Variants in MECOM observed in about 807,000 individuals in gnomAD.
MECOM encodes the protein MDS1 and EVI1 complex locus.
Under a neutral mutation model 116.3 loss-of-function variants are expected in MECOM, and 13 were observed. The ratio of observed to expected loss-of-function variants is 0.11; its 90% confidence interval spans 0.07 to 0.18. The LOEUF (loss-of-function observed/expected upper bound fraction) is 0.18. MECOM is among the 10% of genes least tolerant of loss of function. The probability of loss-of-function intolerance (pLI) is 1.00; values close to 1 mark genes in which losing one functional copy is unlikely to be tolerated. For synonymous variants in MECOM, 528 were observed against 535.2 expected, an observed-to-expected ratio of 0.99 and a Z score of 0.19; for missense variants, 1,299 against 1,509.0, an observed-to-expected ratio of 0.86 and a Z score of 2.31.
At chr3:169,527,142 G>T (rs6444858) in intron 1 of MECOM, among the ~76,000 whole-genome samples, 78,365 of 152,056 alleles carry the variant, frequency 0.52, 21,636 homozygotes, top group African/African-American at 0.73. Context: ...TGGATATTTC[G>T]AACCAACCTA....
chr3:169,291,528 T>C lies in MECOM; in HGVS notation c.375+89659A>G, dbSNP rs540213751. On this transcript the variant is annotated intron_variant, in intron 2 of 16. Coordinates refer to ENST00000651503, the MANE Select transcript of MECOM (RefSeq NM_004991.4). ...TCTGTCAGTGTGGGAGATCAGTTTA[T>C]ATTTAGGAGAAGTGGGCAAATGTCT... 1.1e-3 allele frequency among the ~76,000 whole-genome samples: 165 copies of C among 152,312 alleles called. 1 individual carries two copies. Among genetic ancestry groups the C allele is most frequent in the Non-Finnish European group, 1.5e-3 (99 of 68,024 alleles).
At chr3:169,110,973 A>G (rs9845030) in intron 9 of MECOM, among the ~76,000 whole-genome samples, 6,271 of 152,238 alleles carry the variant, frequency 0.041, 431 homozygotes, top group African/African-American at 0.14. Flanking sequence ...GTTAAAATAT[A>G]ACATATTTGC....
At chr3:169,573,915 A>T (rs1764207906) in intron 1 of MECOM, among the ~76,000 whole-genome samples, 1 of 152,174 alleles carries the variant, frequency 6.6e-6, no homozygotes, top group Non-Finnish European at 1.5e-5. Context: ...ACTCAAGAAA[A>T]ACTTTTTTGA....
intron 2 of MECOM, among the ~76,000 whole-genome samples, chr3:169,169,233 A>T (rs1485972824): frequency 6.6e-6 from 1 of 151,906 alleles, no homozygotes; most frequent in Non-Finnish European, 1.5e-5. Context: ...TTTTTAGCAG[A>T]AACACAATAC....
chr3:169,296,165 C>A (rs989026475), intron 2 of MECOM, among the ~76,000 whole-genome samples: 3 of 152,310 alleles, frequency 2.0e-5, no homozygotes, highest in African/African-American at 7.2e-5. Context: ...CCCCAGCAGT[C>A]TGTAGTGGCC....
chr3:169,512,841 A>G (rs1452790021), intron 1 of MECOM, among the ~76,000 whole-genome samples: 3 of 150,464 alleles, frequency 2.0e-5, no homozygotes, highest in Admixed American at 6.6e-5. Context: ...CATCCTCAAC[A>G]CTTTCATCAC....
chr3:169,378,393 G>T (rs901351116), intron 2 of MECOM, among the ~76,000 whole-genome samples: 2 of 36,068 alleles, frequency 5.5e-5, no homozygotes, highest in Non-Finnish European at 8.9e-5. Context: ...AGACAAGAAA[G>T]AAAGAAAGAA....
intron 1 of MECOM, among the ~76,000 whole-genome samples, chr3:169,525,364 T>A (rs1046637135): frequency 2.6e-5 from 4 of 152,230 alleles, no homozygotes; most frequent in Non-Finnish European, 5.9e-5. Context: ...ATATACTTTA[T>A]TGATTTTAAA....
At chr3:169,239,406 A>G (rs1049270859) in intron 2 of MECOM, among the ~76,000 whole-genome samples, 1 of 152,048 alleles carries the variant, frequency 6.6e-6, no homozygotes, top group Non-Finnish European at 1.5e-5. Context: ...TTTTGTAGAT[A>G]CCACTGATAT....
At chr3:169,124,577 G>A (rs1732190609) in intron 5 of MECOM, among the ~76,000 whole-genome samples, 1 of 152,008 alleles carries the variant, frequency 6.6e-6, no homozygotes, top group African/African-American at 2.4e-5. Context: ...TATTTTTAAT[G>A]TGGTATTGAA....
chr3:169,145,057 G>T, intron 2 of MECOM: 1 of 1,530,476 alleles, frequency 6.5e-7, no homozygotes, highest in Non-Finnish European at 8.8e-7. Context: ...CTATGAATAA[G>T]CCTTTGGCCA....
chr3:169,191,309 C>A (rs1747507549), intron 2 of MECOM, among the ~76,000 whole-genome samples: 1 of 151,898 alleles, frequency 6.6e-6, no homozygotes, highest in African/African-American at 2.4e-5. Flanking sequence ...GAAATATAAA[C>A]AAGCACATTC....
At chr3:169,584,613 G>T (rs1027748255) in intron 1 of MECOM, among the ~76,000 whole-genome samples, 3 of 151,078 alleles carry the variant, frequency 2.0e-5, no homozygotes, top group Admixed American at 2.0e-4. Flanking sequence ...ATGAGTTAGA[G>T]AAAGTCTGGG....
intron 2 of MECOM, among the ~76,000 whole-genome samples, chr3:169,300,043 G>A (rs1007583856): frequency 1.3e-5 from 2 of 152,116 alleles, no homozygotes; most frequent in Non-Finnish European, 2.9e-5. Flanking sequence ...GGGACTCATT[G>A]TTTGTGCTGT....
intron 2 of MECOM, among the ~76,000 whole-genome samples, chr3:169,279,467 C>T (rs1711509748): frequency 1.3e-5 from 2 of 151,810 alleles, no homozygotes; most frequent in Admixed American, 6.6e-5. Flanking sequence ...GGAGGGAAAG[C>T]GGGTAAGTAG....
At chr3:169,230,372 T>G (rs556920933) in intron 2 of MECOM, among the ~76,000 whole-genome samples, 1 of 152,290 alleles carries the variant, frequency 6.6e-6, no homozygotes, top group South Asian at 2.1e-4. Context: ...TGATTTCAAC[T>G]TATACAGCTG....
chr3:169,116,424 G>A lies in MECOM; in HGVS notation c.1448C>T (p.Thr483Ile). 2 of 1,614,200 alleles carry A rather than the reference G, an allele frequency of 1.2e-6. No homozygotes were observed. The highest frequency in any genetic ancestry group is 1.7e-6 in the Non-Finnish European group (2 of 1,180,036). The change falls in exon 8 of 17, where the codon ACA becomes ATA. Residue 483 changes from threonine to isoleucine, a missense_variant. Around this residue, in one of 6 missense-constraint regions of MECOM, gnomAD observed 238 missense variants for 273.1 expected, o/e 0.87. Transcript: ENST00000651503. ...GAAGCTAAAAGAAAATCCAGGAGCT[G>A]TTGGAAAGGTAAGACCAGCAGGATG... The part of the protein sequence containing the change: ...NRHPAGLTFP[T>I]APGFSFSFPG...
intron 2 of MECOM, among the ~76,000 whole-genome samples, chr3:169,225,142 AT>A (rs973737303): frequency 7.2e-4 from 110 of 152,306 alleles, no homozygotes; most frequent in African/African-American, 2.6e-3. Context: ...TAGAGAATAT[AT>A]TTAGTATCAT....
intron 1 of MECOM, among the ~76,000 whole-genome samples, chr3:169,661,163 T>A (rs1318080419): frequency 6.6e-6 from 1 of 152,030 alleles, no homozygotes; most frequent in Non-Finnish European, 1.5e-5. Context: ...CTCAAGAAAA[T>A]TCGAAGGGTT....
Sources: allele counts gnomAD v4.1 joint callset (sites outside exome capture counted in the v4.1 genomes callset), GRCh38; gene constraint gnomAD v4.1.1; regional missense constraint gnomAD v4.1.1; transcripts MANE v1.5; gene names NCBI Gene and HGNC (gene_info 2026-07-23, HGNC 2026-07-21).